Variants in NPSR1 observed in about 807,000 individuals in gnomAD.
The protein encoded by NPSR1 is neuropeptide S receptor.
NPSR1 carries 48 observed loss-of-function variants against 46.9 expected under a neutral mutation model. That is an observed-to-expected ratio of 1.02 (90% CI 0.81 to 1.30). The LOEUF (loss-of-function observed/expected upper bound fraction) is 1.30, where lower values mean the gene tolerates loss of function less well. Among genes scored for constraint, NPSR1 ranks in the 50% most tolerant of loss-of-function variants. The pLI is 0.00. For synonymous variants in NPSR1, 176 were observed against 168.1 expected (o/e 1.05, Z -0.36); for missense variants, 450 against 449.5 (o/e 1.00, Z -0.01).
chr7:34,791,065 T>TTATATTATATATGTTATATGTTATA (rs1282564236), intron 3 of NPSR1, among the ~76,000 whole-genome samples: 2 of 116,608 alleles, frequency 1.7e-5, no homozygotes, highest in Admixed American at 9.6e-5. Context: ...ATGTTATATA[T>TTATATTATATATGTTATATGTTATA]TATATTATAT....
intron 3 of NPSR1, among the ~76,000 whole-genome samples, chr7:34,786,335 A>T (rs1396892079): frequency 6.6e-6 from 1 of 152,110 alleles, no homozygotes; most frequent in Non-Finnish European, 1.5e-5. Context: ...AAGAAAGTGA[A>T]GCAATTCAGT....
intron 6 of NPSR1, among the ~76,000 whole-genome samples, chr7:34,839,143 T>C (rs914318688): frequency 6.6e-6 from 1 of 152,248 alleles, no homozygotes; most frequent in Non-Finnish European, 1.5e-5. Flanking sequence ...ATGGCTTCTC[T>C]ACAATTAACT....
At chr7:34,748,184 C>T (rs1379838823) in intron 2 of NPSR1, among the ~76,000 whole-genome samples, 1 of 152,220 alleles carries the variant, frequency 6.6e-6, no homozygotes, top group Non-Finnish European at 1.5e-5. Flanking sequence ...AAATATAAAA[C>T]CATCAGGATC....
At position 34,751,109 on chromosome 7, in the gene NPSR1, T is replaced by C. The variant is rs563125358; in HGVS notation, c.281-27353T>C. On this transcript the variant is annotated intron_variant, in intron 2 of 8. Transcript: ENST00000360581. ...CCATGTCCTTGAGGATCAGGTGGAG[T>C]CATCACCAGCCCCACTGTTTTCCAC... is the stretch of plus-strand genomic sequence containing the variant. The C allele has an allele frequency of 1.3e-4, 104 of 820,350 alleles. 1 individual carries two copies. In the East Asian group the frequency reaches 1.3e-3, roughly 11 times the overall value. The allele number at this position is 820,350 out of a possible 1,614,324, so 50.8% of individuals were successfully genotyped here.
intron 2 of NPSR1, among the ~76,000 whole-genome samples, chr7:34,733,854 A>G (rs1784548827): frequency 6.6e-6 from 1 of 152,200 alleles, no homozygotes; most frequent in Admixed American, 6.5e-5. Flanking sequence ...CTGTCTTGAG[A>G]TATTTCTCTT....
chr7:34,689,438 T>C (rs964154384), intron 2 of NPSR1, among the ~76,000 whole-genome samples: 4 of 151,174 alleles, frequency 2.6e-5, no homozygotes, highest in African/African-American at 4.9e-5. Flanking sequence ...ACCCGGTTTC[T>C]ACTAAAAATG....
chr7:34,688,415 T>C (rs1382343862), intron 2 of NPSR1, among the ~76,000 whole-genome samples: 1 of 152,218 alleles, frequency 6.6e-6, no homozygotes, highest in Non-Finnish European at 1.5e-5. Flanking sequence ...CTGTTGCTCA[T>C]CTGTTTAGAA....
intron 2 of NPSR1, among the ~76,000 whole-genome samples, chr7:34,725,305 G>A (rs570282825): frequency 6.6e-6 from 1 of 152,138 alleles, no homozygotes; most frequent in Non-Finnish European, 1.5e-5. Context: ...CACAATGCTT[G>A]TCTGAATACC....
At chr7:34,820,076 G>C (rs1403496788) in intron 4 of NPSR1, among the ~76,000 whole-genome samples, 1 of 152,086 alleles carries the variant, frequency 6.6e-6, no homozygotes, top group African/African-American at 2.4e-5. Context: ...AAAAGAATTT[G>C]CTAACAAGAT....
chr7:34,792,631 G>GTA (rs1562732931), intron 3 of NPSR1, among the ~76,000 whole-genome samples: 2 of 93,150 alleles, frequency 2.1e-5, no homozygotes, highest in African/African-American at 7.3e-5. Context: ...ATGTGTGTGT[G>GTA]TGTGTATGTG....
chr7:34,823,882 G>T (rs1789696612), intron 4 of NPSR1, among the ~76,000 whole-genome samples: 1 of 152,160 alleles, frequency 6.6e-6, no homozygotes, highest in African/African-American at 2.4e-5. Context: ...CTCCAGGGCA[G>T]ATCTGGGAGC....
At chr7:34,658,760 G>A (rs1169371286) in intron 1 of NPSR1, among the ~76,000 whole-genome samples, 1 of 152,202 alleles carries the variant, frequency 6.6e-6, no homozygotes, top group African/African-American at 2.4e-5. Flanking sequence ...TAGGAATACA[G>A]GTGACGTTTT....
intron 2 of NPSR1, among the ~76,000 whole-genome samples, chr7:34,686,918 G>A (rs1237280041): frequency 3.7e-5 from 5 of 135,888 alleles, no homozygotes; most frequent in Admixed American, 8.4e-5. Flanking sequence ...TTTTGATCAT[G>A]CCACTGCACT....
intron 2 of NPSR1, among the ~76,000 whole-genome samples, chr7:34,767,792 A>G (rs935981605): frequency 5.3e-5 from 8 of 152,190 alleles, no homozygotes; most frequent in Admixed American, 3.9e-4. Flanking sequence ...AATAAATTTT[A>G]AAAAGCTAGC....
intron 2 of NPSR1, chr7:34,750,915 A>T: frequency 1.4e-6 from 1 of 736,084 alleles, no homozygotes; most frequent in Non-Finnish European, 2.5e-6. Context: ...CACTTCCTCC[A>T]CCCCCAGCTC....
At chr7:34,732,010 ATCTCTAC>A (rs1784441112) in intron 2 of NPSR1, among the ~76,000 whole-genome samples, 1 of 149,316 alleles carries the variant, frequency 6.7e-6, no homozygotes, top group Non-Finnish European at 1.5e-5. Flanking sequence ...GCGAAACTCT[ATCTCTAC>A]CAAAAAAAAT....
At chr7:34,798,503 C>T (rs1788299897) in intron 3 of NPSR1, among the ~76,000 whole-genome samples, 1 of 152,164 alleles carries the variant, frequency 6.6e-6, no homozygotes, top group Admixed American at 6.6e-5. Flanking sequence ...CCACTACACT[C>T]CAGCCTGGGT....
rs144746378 is a variant in NPSR1, at chr7:34,727,280, C to T, written c.280+42596C>T. Among the ~76,000 whole-genome samples the T allele has an allele frequency of 6.6e-5, 10 of 151,920 alleles. No homozygotes were observed. The East Asian group carries it at 1.9e-3, about 29-fold the overall frequency. On this transcript the variant is annotated intron_variant, in intron 2 of 8. Coordinates refer to ENST00000360581, the MANE Select transcript of NPSR1 (RefSeq NM_207172.2). ...AGGCTATCTTCAAACACATGTGCAGCCTTTTAAAATTCATTTATAAACAGG... is the reference window on the plus strand; with the variant it reads ...AGGCTATCTTCAAACACATGTGCAGTCTTTTAAAATTCATTTATAAACAGG...
intron 2 of NPSR1, among the ~76,000 whole-genome samples, chr7:34,708,666 A>G (rs1385613608): frequency 2.0e-5 from 3 of 152,240 alleles, no homozygotes; most frequent in Non-Finnish European, 2.9e-5. Flanking sequence ...ATTCCAAAGC[A>G]GGTCAGAAGA....
Sources: allele counts gnomAD v4.1 joint callset (sites outside exome capture counted in the v4.1 genomes callset), GRCh38; gene constraint gnomAD v4.1.1; transcripts MANE v1.5; gene names NCBI Gene and HGNC (gene_info 2026-07-23, HGNC 2026-07-21).